The following TM7SF3 variants were observed in gnomAD, a reference collection of about 807,000 sequenced individuals.
TM7SF3 encodes seven span transmembrane protein.
In TM7SF3, 60 loss-of-function variants were observed where a neutral mutation model predicts 65.5. The observed-to-expected ratio is 0.92, with a 90% CI of 0.74 to 1.14. The LOEUF is 1.14. TM7SF3 is among the 50% of genes most tolerant of loss of function. The pLI, the probability that TM7SF3 is intolerant of heterozygous loss-of-function variation, is 0.00. For missense variants in TM7SF3, 623 were observed against 684.8 expected, an observed-to-expected ratio of 0.91 and a Z score of 1.01; for synonymous variants, 264 against 259.6, an observed-to-expected ratio of 1.02 and a Z score of -0.16.
At chr12:26,974,764 G>C (rs1425932677) in intron 11 of TM7SF3, among the ~76,000 whole-genome samples, 6 of 152,140 alleles carry the variant, frequency 3.9e-5, no homozygotes, top group Non-Finnish European at 4.4e-5. Flanking sequence ...CTTAAAACTT[G>C]CAAGAGTTTT....
chr12:27,003,085 C>G, intron 2 of TM7SF3, 151 bp downstream of exon 2: 1 of 624,872 alleles, frequency 1.6e-6, no homozygotes, highest in Non-Finnish European at 2.6e-6. Flanking sequence ...CAGTCACTAA[C>G]TTGAAAACAT....
At chr12:26,976,436 G>T (rs1388862923) in intron 9 of TM7SF3, 79 bp from the exon 10 acceptor site, 3 of 875,896 alleles carry the variant, frequency 3.4e-6, no homozygotes, top group East Asian at 2.5e-5. Context: ...TCTGAACACA[G>T]ATATACATCA....
chr12:26,995,657 C>A (rs1175843916), intron 4 of TM7SF3, among the ~76,000 whole-genome samples: 1 of 152,142 alleles, frequency 6.6e-6, no homozygotes, highest in African/African-American at 2.4e-5. Flanking sequence ...GAGGTGGGAC[C>A]TTTGGAAGGT....
Position 26,973,131 on chromosome 12 carries a change from G to A in TM7SF3, c.*834C>T, listed in dbSNP as rs562364385. 6.6e-6 allele frequency: 1 copy of A among 151,048 alleles called. No individual in the cohort carries two copies. The highest frequency in any genetic ancestry group is 1.5e-5 in the Non-Finnish European group (1 of 67,790). 9.4% of individuals were successfully genotyped at this position (151,048 alleles called of 1,614,324 possible). A position where few individuals can be genotyped will look rare whatever the true frequency, so the allele number is the denominator to read the frequency against. On this transcript the variant is annotated 3_prime_UTR_variant, in exon 12 of 12. Transcript: ENST00000343028. ...TTTGGATAATGTATGATACTAAGAA[G>A]GGCATGCAACTAAGTAATCAGACTG...
At chr12:27,011,884 ATTCATAT>A (rs1237713145) in intron 1 of TM7SF3, among the ~76,000 whole-genome samples, 1 of 152,240 alleles carries the variant, frequency 6.6e-6, no homozygotes, top group Non-Finnish European at 1.5e-5. Flanking sequence ...TTCTCAATTT[ATTCATAT>A]TTTTTAACTT....
chr12:26,979,707 C>T, intron 9 of TM7SF3, 77 bp downstream of exon 9: 3 of 1,521,054 alleles, frequency 2.0e-6, no homozygotes, highest in Non-Finnish European at 2.7e-6. Flanking sequence ...TGCAACACCA[C>T]TCCAGGATGC....
intron 1 of TM7SF3, among the ~76,000 whole-genome samples, chr12:27,004,964 G>T (rs7134918): frequency 0.073 from 11,074 of 152,170 alleles, 513 homozygotes; most frequent in Non-Finnish European, 0.1. Flanking sequence ...AATCTGGGTA[G>T]GGAAGTCTGG....
At chr12:26,994,250 C>T (rs1940495703) in intron 5 of TM7SF3, among the ~76,000 whole-genome samples, 1 of 152,214 alleles carries the variant, frequency 6.6e-6, no homozygotes, top group Admixed American at 6.5e-5. Context: ...CTCCACCCAT[C>T]AACCATTAGA....
At chr12:26,984,453 A>AC (rs1555215867) in intron 6 of TM7SF3, among the ~76,000 whole-genome samples, 1 of 150,112 alleles carries the variant, frequency 6.7e-6, no homozygotes, top group African/African-American at 2.5e-5. Context: ...GAAAAACAAA[A>AC]AAAAAAAACC....
At position 26,975,626 on chromosome 12, in the gene TM7SF3, G is replaced by A. The variant is rs752881028; in HGVS notation, c.1320C>T (p.Ser440=). ...TGTCAATGGCTAAAACCACCGAATA[G>A]GAGCCAATGACTCCACAAGTCAGTA... ...LNILTCGVIG[S]YSVVLAIDSY... Residue 440 remains serine (S), a synonymous_variant, in exon 11 of 12, where the codon TCC becomes TCT. Transcript: ENST00000343028. 1 of 1,613,662 alleles carries A rather than the reference G, an allele frequency of 6.2e-7. No homozygotes were observed. Among genetic ancestry groups the A allele is most frequent in the Non-Finnish European group, 8.5e-7 (1 of 1,179,956 alleles).
intron 1 of TM7SF3, among the ~76,000 whole-genome samples, chr12:27,011,618 T>A (rs1284215313): frequency 1.3e-5 from 2 of 152,246 alleles, no homozygotes; most frequent in Non-Finnish European, 2.9e-5. Flanking sequence ...ATTATCATCA[T>A]CAAACATCAA....
intron 6 of TM7SF3, among the ~76,000 whole-genome samples, chr12:26,985,923 C>T (rs909312387): frequency 2.8e-5 from 4 of 142,326 alleles, no homozygotes; most frequent in African/African-American, 7.7e-5. Context: ...ACACCATTCT[C>T]CTGCCTCTGC....
intron 11 of TM7SF3, 45 bp downstream of exon 11, chr12:26,975,451 C>G: frequency 1.2e-6 from 2 of 1,608,416 alleles, no homozygotes; most frequent in South Asian, 1.1e-5. Flanking sequence ...TGGGTCAAGA[C>G]TCCTACTGTG....
At chr12:27,003,824 G>C (rs910924297) in intron 1 of TM7SF3, among the ~76,000 whole-genome samples, 2 of 152,190 alleles carry the variant, frequency 1.3e-5, no homozygotes, top group Admixed American at 6.5e-5. Context: ...AAGAGACACA[G>C]GTGGCTGCAA....
chr12:26,996,953 A>C, intron 3 of TM7SF3, 91 bp from the exon 4 acceptor site: 2 of 1,347,134 alleles, frequency 1.5e-6, no homozygotes, highest in Non-Finnish European at 2.0e-6. Context: ...CTCTTACAAA[A>C]ACTTCCCAAA....
rs1048261939 is a variant in TM7SF3 at position 26,991,379 on chromosome 12, C to T, written c.691-752G>A. On this transcript the variant is annotated intron_variant, in intron 5 of 11. Coordinates refer to ENST00000343028, the MANE Select transcript of TM7SF3 (RefSeq NM_016551.3). ...TTGTTAGCCAGGATGGTCTCGATCT[C>T]CTGACCTCATGATCCACCCGCCTCG... Among the ~76,000 whole-genome samples the T allele has an allele frequency of 2.0e-5, 3 of 151,732 alleles. No homozygotes were observed. In the East Asian group the frequency reaches 5.8e-4, roughly 29 times the overall value.
Position 26,972,270 on chromosome 12 carries a change from C to T in TM7SF3, c.*1695G>A, listed in dbSNP as rs1939391904. The T allele has an allele frequency of 6.6e-6, 1 of 152,172 alleles. No individual in the cohort carries two copies. The highest frequency in any genetic ancestry group is 1.5e-5 in the Non-Finnish European group (1 of 68,032). The allele number at this position is 152,172 out of a possible 1,614,324, so 9.4% of individuals were successfully genotyped here. ...CCTGAATCCTTTTTGACTCCATTCTCATCACTTTAAGGATGAAGCCTTTCT... is the reference window on the plus strand; with the variant it reads ...CCTGAATCCTTTTTGACTCCATTCTTATCACTTTAAGGATGAAGCCTTTCT... On this transcript the variant is annotated 3_prime_UTR_variant, in exon 12 of 12. Coordinates refer to ENST00000343028, the MANE Select transcript of TM7SF3 (RefSeq NM_016551.3).
intron 9 of TM7SF3, among the ~76,000 whole-genome samples, chr12:26,976,975 A>T (rs913168932): frequency 6.6e-6 from 1 of 152,338 alleles, no homozygotes; most frequent in East Asian, 1.9e-4. Flanking sequence ...ATGCTGCACA[A>T]CTTAGGCCGA....
At chr12:26,983,727 T>C in intron 6 of TM7SF3, 2 of 294,786 alleles carry the variant, frequency 6.8e-6, no homozygotes, top group East Asian at 1.6e-4. Context: ...ATTACACTTA[T>C]AAGTTATTTA....
Sources: gnomAD v4.1 joint callset for allele counts (sites outside exome capture counted in the v4.1 genomes callset) on GRCh38, gnomAD v4.1.1 for gene constraint, MANE v1.5 for transcripts, NCBI Gene and HGNC (gene_info 2026-07-23, HGNC 2026-07-21) for gene names.